The following TVP23A variants were observed in gnomAD, a reference collection of about 807,000 sequenced individuals.
TVP23A encodes the protein trans-golgi network vesicle protein 23 homolog A, also known as Golgi apparatus membrane protein TVP23 homolog A.
A neutral mutation model predicts 31.7 loss-of-function variants in TVP23A; 21 were observed. The ratio of observed to expected loss-of-function variants is 0.66; its 90% CI spans 0.47 to 0.95. The LOEUF is 0.95. Among genes scored for constraint, TVP23A ranks in the 40% least tolerant of loss-of-function variants. The probability of loss-of-function intolerance (pLI) is 0.00; values close to 1 mark genes in which losing one functional copy is unlikely to be tolerated. For synonymous variants in TVP23A, 104 were observed against 96.0 expected, an observed-to-expected ratio of 1.08 and a Z score of -0.49; for missense variants, 279 against 255.6, an observed-to-expected ratio of 1.09 and a Z score of -0.62.
chr16:10,775,130 A>T, intron 2 of TVP23A, 34 bp from the exon 3 acceptor site: 1 of 1,587,082 alleles, frequency 6.3e-7, no homozygotes, highest in Non-Finnish European at 8.6e-7. Flanking sequence ...CCTCACTCCA[A>T]GAGCTAAGCG....
intron 2 of TVP23A, among the ~76,000 whole-genome samples, chr16:10,788,692 T>C (rs1241595770): frequency 6.6e-6 from 1 of 152,146 alleles, no homozygotes; most frequent in Non-Finnish European, 1.5e-5. Flanking sequence ...AAGCAGATGT[T>C]CAGGGGTGAA....
downstream of TVP23A, among the ~76,000 whole-genome samples, chr16:10,758,819 G>A (rs1052494080): frequency 1.1e-4 from 17 of 152,112 alleles, no homozygotes; most frequent in African/African-American, 3.6e-4. Flanking sequence ...CGCTTCTTCC[G>A]TAGTGACACC....
downstream of TVP23A, chr16:10,761,932 G>T: frequency 8.3e-7 from 1 of 1,211,666 alleles, no homozygotes; most frequent in Non-Finnish European, 1.2e-6. Context: ...GCACAACAGG[G>T]GGCGGCTACA....
chr16:10,774,811 A>G (rs978319600), intron 3 of TVP23A, 141 bp downstream of exon 3: 16 of 715,974 alleles, frequency 2.2e-5, no homozygotes, highest in Admixed American at 6.0e-5. Flanking sequence ...GGGTTTCTCC[A>G]TTCCCCTTAC....
At position 10,775,015 on chromosome 16, in the gene TVP23A, C is replaced by A. The variant is rs377137374; in HGVS notation, c.171G>T (p.Lys57Asn). Residue 57 changes from lysine to asparagine, a missense_variant, in exon 3 of 8, where the codon AAG (lysine) becomes AAT (asparagine). Physicochemically the swap from Lys to Asn is moderately conservative, Grantham distance 94. Transcript: ENST00000299866. Reference protein sequence around the residue: ...VTYVSCDWFSKSFVGCFVMVL... With the variant: ...VTYVSCDWFSNSFVGCFVMVL... ...CCATGACAAAACAGCCCACAAAGCT[C>A]TTGCTGAACCAGTCGCAGCTCACGT... 3.7e-6 allele frequency: 6 copies of A among 1,612,774 alleles called. No homozygotes were observed. In the South Asian group the frequency reaches 5.5e-5, roughly 15 times the overall value.
At chr16:10,815,822 G>A (rs2034411629) in intron 2 of TVP23A, among the ~76,000 whole-genome samples, 1 of 152,190 alleles carries the variant, frequency 6.6e-6, no homozygotes, top group South Asian at 2.1e-4. Flanking sequence ...TGTTCTAGAA[G>A]ATTCTTTACC....
At chr16:10,793,746 A>C (rs543414505) in intron 2 of TVP23A, among the ~76,000 whole-genome samples, 1 of 151,552 alleles carries the variant, frequency 6.6e-6, no homozygotes, top group Non-Finnish European at 1.5e-5. Context: ...TAAAAAAAAT[A>C]AACCTAGCTG....
chr16:10,762,005 G>A, downstream of TVP23A: 1 of 629,164 alleles, frequency 1.6e-6, no homozygotes, highest in Non-Finnish European at 2.7e-6. Flanking sequence ...CCTCCAGCTG[G>A]CACCCCAAGA....
At chr16:10,773,488 G>T in intron 4 of TVP23A, 47 bp from the exon 5 acceptor site, 1 of 1,545,174 alleles carries the variant, frequency 6.5e-7, no homozygotes. Context: ...GGAAATGGTT[G>T]CAAACGAGCG....
At chr16:10,762,466 C>T (rs1005551626), downstream of TVP23A, among the ~76,000 whole-genome samples, 3 of 152,222 alleles carry the variant, frequency 2.0e-5, no homozygotes, top group African/African-American at 4.8e-5. Context: ...ACACGCCCGC[C>T]GGGCGCCCAC....
At chr16:10,814,820 G>A (rs374050129) in intron 2 of TVP23A, among the ~76,000 whole-genome samples, 9 of 152,176 alleles carry the variant, frequency 5.9e-5, no homozygotes, top group African/African-American at 2.2e-4. Flanking sequence ...CATCCTCATA[G>A]AAGGTTCAGT....
At chr16:10,791,377 T>C (rs942039961) in intron 2 of TVP23A, among the ~76,000 whole-genome samples, 4 of 152,160 alleles carry the variant, frequency 2.6e-5, no homozygotes, top group South Asian at 2.1e-4. Flanking sequence ...CTTAGGCAAA[T>C]AGGGTATGGG....
At chr16:10,808,599 C>T in intron 2 of TVP23A, 1 of 453,518 alleles carries the variant, frequency 2.2e-6, no homozygotes, top group South Asian at 1.6e-5. Flanking sequence ...AGTTTTGAGA[C>T]CCGGTCTCTA....
intron 2 of TVP23A, among the ~76,000 whole-genome samples, chr16:10,809,400 G>A (rs2034093329): frequency 6.6e-6 from 1 of 152,226 alleles, no homozygotes; most frequent in Non-Finnish European, 1.5e-5. Flanking sequence ...CCCCTGCACT[G>A]GAGGGACTGA....
chr16:10,812,810 G>A (rs921092021), intron 2 of TVP23A, among the ~76,000 whole-genome samples: 2 of 152,016 alleles, frequency 1.3e-5, no homozygotes, highest in African/African-American at 2.4e-5. Context: ...GTTTCACAAC[G>A]TGACTATACT....
Position 10,767,916 on chromosome 16 carries a change from A to G in TVP23A, c.*1186T>C, listed in dbSNP as rs760645512. On this transcript the variant is annotated 3_prime_UTR_variant, in exon 8 of 8. Coordinates refer to ENST00000299866, the MANE Select transcript of TVP23A (RefSeq NM_001079512.4). The surrounding 1 kb of genome is among the most constrained non-coding windows in gnomAD (Gnocchi z 4.6). ...TGTGGCCATTCTGTTTTCCTCTTGG[A>G]CTGAATTGTCTTCCGTTTGTTTCTT... The G allele has an allele frequency of 6.2e-7, 1 of 1,601,458 alleles. No individual in the cohort carries two copies. The highest frequency in any genetic ancestry group is 8.6e-7 in the Non-Finnish European group (1 of 1,168,588).
chr16:10,782,195 C>G (rs1362682972), intron 2 of TVP23A, among the ~76,000 whole-genome samples: 1 of 152,100 alleles, frequency 6.6e-6, no homozygotes, highest in African/African-American at 2.4e-5. Flanking sequence ...CAGCTGTCAT[C>G]AGACCCTCAG....
intron 2 of TVP23A, among the ~76,000 whole-genome samples, chr16:10,806,325 A>G (rs566239448): frequency 6.6e-6 from 1 of 152,264 alleles, no homozygotes; most frequent in Non-Finnish European, 1.5e-5. Context: ...CCTGGGTGAC[A>G]GAGCAAGAGT....
At position 10,777,778 on chromosome 16, in the gene TVP23A, G is replaced by A. The variant is rs577142720; in HGVS notation, c.90-2682C>T. On this transcript the variant is annotated intron_variant, in intron 2 of 7. Transcript: ENST00000299866. The surrounding 1 kb of genome is among the most constrained non-coding windows in gnomAD (Gnocchi z 4.5). ...TGTAATCCCAGCACTTTGGGAGGCT[G>A]AGGCAGGTGGATCACGAGGTCAAGA... Among the ~76,000 whole-genome samples the A allele has an allele frequency of 6.6e-6, 1 of 152,306 alleles. No individual in the cohort carries two copies. The highest frequency in any genetic ancestry group is 1.9e-4 in the East Asian group (1 of 5,170).
Sources: gnomAD v4.1 joint callset for allele counts (sites outside exome capture counted in the v4.1 genomes callset) on GRCh38, gnomAD v4.1.1 for gene constraint, Gnocchi (gnomAD v3.1) non-coding constraint, MANE v1.5 for transcripts, NCBI Gene and HGNC (gene_info 2026-07-23, HGNC 2026-07-21) for gene names.